CCPG1: variants seen among roughly 807,000 people sequenced by gnomAD.
CCPG1 encodes cell cycle progression 1.
Under a neutral mutation model 81.3 loss-of-function variants are expected in CCPG1, and 46 were observed. That is an observed-to-expected ratio of 0.57 (90% CI 0.45 to 0.72). The LOEUF (loss-of-function observed/expected upper bound fraction) is 0.72. CCPG1 is among the 30% of genes least tolerant of loss of function. CCPG1 has a pLI of 0.00. For missense variants in CCPG1, 902 were observed against 937.6 expected (o/e 0.96, Z 0.50); for synonymous variants, 330 against 305.2 (o/e 1.08, Z -0.85).
intron 1 of CCPG1, among the ~76,000 whole-genome samples, chr15:55,389,780 ACT>A (rs1188262197): frequency 6.6e-6 from 1 of 152,160 alleles, no homozygotes; most frequent in African/African-American, 2.4e-5. Flanking sequence ...ACAGTAAAGG[ACT>A]CTATTTTCAA....
chr15:55,407,733 C>T (rs2057265488), intron 1 of CCPG1: 1 of 152,252 alleles, frequency 6.6e-6, no homozygotes. Flanking sequence ...TAGCGGAAGT[C>T]TCCGGGCATT....
chr15:55,401,463 T>G (rs557359217), intron 1 of CCPG1, among the ~76,000 whole-genome samples: 1 of 152,268 alleles, frequency 6.6e-6, no homozygotes, highest in South Asian at 2.1e-4. Context: ...GGTCAGGAGT[T>G]CAAGACTAGC....
At position 55,377,037 on chromosome 15, in the gene CCPG1, A is replaced by G; in HGVS notation, c.366T>C (p.Val122=). Residue 122 remains valine, a synonymous_variant, in exon 5 of 9, where the codon GTT becomes GTC. Coordinates refer to ENST00000442196, the MANE Select transcript of CCPG1 (RefSeq NM_001204450.2). ...AACTCTGTGCTTCTTCAACAATGACAACTTCTTGATTTCCAATTTCTTCTA... is the reference window on the plus strand; with the variant it reads ...AACTCTGTGCTTCTTCAACAATGACGACTTCTTGATTTCCAATTTCTTCTA... ...PKLEEIGNQE[V]VIVEEAQSSE... 1 of 1,613,870 alleles carries G rather than the reference A, an allele frequency of 6.2e-7. No individual in the cohort carries two copies. Among genetic ancestry groups the G allele is most frequent in the Non-Finnish European group, 8.5e-7 (1 of 1,179,876 alleles).
chr15:55,388,376 A>G (rs943363956), intron 2 of CCPG1, among the ~76,000 whole-genome samples: 6 of 152,202 alleles, frequency 3.9e-5, no homozygotes, highest in African/African-American at 1.2e-4. Flanking sequence ...ATGTATATCA[A>G]TCTTCTATTA....
intron 1 of CCPG1, among the ~76,000 whole-genome samples, chr15:55,400,582 C>A (rs1566985017): frequency 6.6e-6 from 1 of 151,548 alleles, no homozygotes; most frequent in Admixed American, 6.6e-5. Flanking sequence ...ACAAAACAAA[C>A]AAAAAAAATT....
chr15:55,375,002 T>C (rs1455150837), intron 5 of CCPG1, among the ~76,000 whole-genome samples: 1 of 152,230 alleles, frequency 6.6e-6, no homozygotes, highest in Non-Finnish European at 1.5e-5. Flanking sequence ...TTATATGCAG[T>C]GTTTTCAGTA....
Position 55,355,974 on chromosome 15 carries a change from C to T in CCPG1, c.*246G>A. On this transcript the variant is annotated 3_prime_UTR_variant, in exon 9 of 9. Transcript: ENST00000442196. Reference sequence around the variant, plus strand: ...CAAAATCTGTTGCATGCCTGGCTTCCTTAATAAAACTACAGTTGAACATTT... The same window carrying T: ...CAAAATCTGTTGCATGCCTGGCTTCTTTAATAAAACTACAGTTGAACATTT... 1 of 464,256 alleles carries T rather than the reference C, an allele frequency of 2.2e-6. No individual in the cohort carries two copies. The highest frequency in any genetic ancestry group is 3.8e-6 in the Non-Finnish European group (1 of 265,968). The allele number at this position is 464,256 out of a possible 1,614,324, so 28.8% of individuals were successfully genotyped here. A position where few individuals can be genotyped will look rare whatever the true frequency, so the allele number is the denominator to read the frequency against.
Position 55,355,587 on chromosome 15 carries a change from T to G in CCPG1, c.*633A>C. The G allele has an allele frequency of 1.9e-6, 1 of 529,450 alleles. No individual in the cohort carries two copies. The highest frequency in any genetic ancestry group is 3.6e-5 in the Admixed American group (1 of 28,160). The allele number at this position is 529,450 out of a possible 1,614,324, so 32.8% of individuals were successfully genotyped here. On this transcript the variant is annotated 3_prime_UTR_variant, in exon 9 of 9. Transcript: ENST00000442196. ...CTGAGGAAATGTATAAAATACCACA[T>G]AGTATAAAATTACATGTTAATACAA...
At chr15:55,380,508 G>A (rs1238889993) in intron 3 of CCPG1, among the ~76,000 whole-genome samples, 1 of 151,554 alleles carries the variant, frequency 6.6e-6, no homozygotes, top group East Asian at 2.0e-4. Context: ...TGTTAGCCAG[G>A]ATGGTCTTGA....
At chr15:55,383,120 C>T (rs1441888821) in intron 3 of CCPG1, among the ~76,000 whole-genome samples, 1 of 152,214 alleles carries the variant, frequency 6.6e-6, no homozygotes, top group Non-Finnish European at 1.5e-5. Context: ...GTCAAAACTA[C>T]TCTTTGATCC....
chr15:55,374,529 A>C (rs2056520509), intron 5 of CCPG1, among the ~76,000 whole-genome samples: 2 of 152,218 alleles, frequency 1.3e-5, no homozygotes, highest in South Asian at 4.1e-4. Context: ...GAGAAGAAAA[A>C]ATTGAAGTTG....
chr15:55,375,937 G>T (rs917547683), intron 5 of CCPG1, among the ~76,000 whole-genome samples: 1 of 152,076 alleles, frequency 6.6e-6, no homozygotes, highest in African/African-American at 2.4e-5. Flanking sequence ...TAATCCACCT[G>T]CCTCAGCTTT....
intron 1 of CCPG1, among the ~76,000 whole-genome samples, chr15:55,397,363 T>G (rs1219522629): frequency 6.6e-6 from 1 of 152,140 alleles, no homozygotes; most frequent in Non-Finnish European, 1.5e-5. Flanking sequence ...AGAAGCGTTT[T>G]GAGAAAAGGA....
chr15:55,397,477 T>C (rs2057043809), intron 1 of CCPG1, among the ~76,000 whole-genome samples: 1 of 152,020 alleles, frequency 6.6e-6, no homozygotes, highest in South Asian at 2.1e-4. Flanking sequence ...AGGTGAGACA[T>C]GATGGTGGTT....
At chr15:55,393,698 C>T (rs1011154512) in intron 1 of CCPG1, among the ~76,000 whole-genome samples, 2 of 152,060 alleles carry the variant, frequency 1.3e-5, no homozygotes, top group African/African-American at 4.8e-5. Flanking sequence ...AGTATGAACA[C>T]GGCTTGCTGA....
chr15:55,378,212 A>C (rs1182104616), intron 4 of CCPG1, 88 bp downstream of exon 4: 7 of 769,320 alleles, frequency 9.1e-6, no homozygotes, highest in Non-Finnish European at 1.5e-5. Flanking sequence ...CAAAATAGGA[A>C]TAGAATGCAT....
At chr15:55,396,599 T>C (rs1417954952) in intron 1 of CCPG1, among the ~76,000 whole-genome samples, 3 of 152,166 alleles carry the variant, frequency 2.0e-5, no homozygotes, top group African/African-American at 7.2e-5. Context: ...TCACCACACA[T>C]TCAGGTCAAA....
rs146108077 is a variant in CCPG1, at chr15:55,358,276, C to A, written c.2234+1263G>T. 2.9e-3 allele frequency: 1,830 copies of A among 625,032 alleles called. 3 individuals carry two copies. The highest frequency in any genetic ancestry group is 3.4e-3 in the Non-Finnish European group (1,707 of 500,998). The allele number at this position is 625,032 out of a possible 1,614,324, so 38.7% of individuals were successfully genotyped here. A position where few individuals can be genotyped will look rare whatever the true frequency, so the allele number is the denominator to read the frequency against. ...GTAAAGAAGGAAAAAGAAATTCATG[C>A]ATAGTATATATAGAATTATGTTCTA... is the stretch of plus-strand genomic sequence containing the variant. On this transcript the variant is annotated intron_variant, in intron 8 of 8. Transcript: ENST00000442196.
At chr15:55,382,942 T>C (rs1042436794) in intron 3 of CCPG1, among the ~76,000 whole-genome samples, 3 of 152,328 alleles carry the variant, frequency 2.0e-5, no homozygotes, top group South Asian at 2.1e-4. Context: ...AATGTTGATA[T>C]TTTGACCTTT....
Sources: allele counts gnomAD v4.1 joint callset (sites outside exome capture counted in the v4.1 genomes callset), GRCh38; gene constraint gnomAD v4.1.1; transcripts MANE v1.5; gene names NCBI Gene and HGNC (gene_info 2026-07-23, HGNC 2026-07-21).